Variants in PALM observed in about 807,000 individuals in gnomAD.
PALM encodes paralemmin.
A neutral mutation model predicts 30.7 loss-of-function variants in PALM; 18 were observed. That is an observed-to-expected ratio of 0.59 (90% CI 0.41 to 0.87). The LOEUF (loss-of-function observed/expected upper bound fraction) is 0.87, where lower values mean the gene tolerates loss of function less well. Among genes scored for constraint, PALM ranks in the 40% least tolerant of loss-of-function variants. The pLI, the probability that PALM is intolerant of heterozygous loss-of-function variation, is 0.00. For missense variants in PALM, 529 were observed against 555.4 expected, an observed-to-expected ratio of 0.95 and a Z score of 0.48; for synonymous variants, 286 against 242.8, an observed-to-expected ratio of 1.18 and a Z score of -1.66.
intron 1 of PALM, among the ~76,000 whole-genome samples, chr19:722,213 C>T (rs370647480): frequency 6.6e-5 from 10 of 152,156 alleles, no homozygotes; most frequent in East Asian, 5.8e-4. Context: ...CCAGCGCACC[C>T]GGCCTTAAAT....
chr19:733,903 T>C (rs1045083905), intron 5 of PALM, among the ~76,000 whole-genome samples: 2 of 152,110 alleles, frequency 1.3e-5, no homozygotes, highest in Admixed American at 1.3e-4. Flanking sequence ...CGAGAATCGC[T>C]TGAACCCAGG....
intron 1 of PALM, among the ~76,000 whole-genome samples, chr19:725,476 G>A (rs958416334): frequency 6.6e-6 from 1 of 152,102 alleles, no homozygotes. Context: ...CAGGAGAATC[G>A]CTTGAACCCA....
In PALM at chr19:746,253, C is replaced by A; in HGVS notation, c.635-32C>A. Reference sequence around the variant, plus strand: ...CTCTCTCTGTCCCTCCTGCCTGGAGCTGGGTCATTCTCTCTGTCTCTCCTT... The same window carrying A: ...CTCTCTCTGTCCCTCCTGCCTGGAGATGGGTCATTCTCTCTGTCTCTCCTT... On this transcript the variant is annotated intron_variant, in intron 8 of 8. Transcript: ENST00000338448. This position sits in a 1 kb window ranked among gnomAD's most constrained non-coding sequence, Gnocchi z 7.1. 1 of 1,592,138 alleles carries A rather than the reference C, an allele frequency of 6.3e-7. No homozygotes were observed. The highest frequency in any genetic ancestry group is 8.6e-7 in the Non-Finnish European group (1 of 1,166,044).
chr19:730,188 C>T (rs1171618059), intron 4 of PALM, among the ~76,000 whole-genome samples: 1 of 134,540 alleles, frequency 7.4e-6, no homozygotes, highest in Non-Finnish European at 1.6e-5. Context: ...ACACCTCCTG[C>T]AGGAAGCCCT....
At chr19:713,950 G>C (rs867260873) in intron 1 of PALM, among the ~76,000 whole-genome samples, 1 of 148,076 alleles carries the variant, frequency 6.8e-6, no homozygotes, top group Admixed American at 6.8e-5. Flanking sequence ...TGTCACCCAG[G>C]CTGGAGTGCA....
Position 731,252 on chromosome 19 carries a change from G to A in PALM, c.420+7G>A. On this transcript the variant is annotated splice_region_variant and intron_variant, in intron 5 of 8. Coordinates refer to ENST00000338448, the MANE Select transcript of PALM (RefSeq NM_002579.3). ...GGTGATGAATTCACAGCAGGTAAGGGGGTGACTGGGGGGAGCGGATCCCCA... is the reference window on the plus strand; with the variant it reads ...GGTGATGAATTCACAGCAGGTAAGGAGGTGACTGGGGGGAGCGGATCCCCA... 6.3e-7 allele frequency: 1 copy of A among 1,599,502 alleles called. No individual in the cohort carries two copies. Among genetic ancestry groups the A allele is most frequent in the Non-Finnish European group, 8.5e-7 (1 of 1,174,158 alleles).
chr19:726,733 A>C (rs1203443315), intron 2 of PALM, among the ~76,000 whole-genome samples: 1 of 151,922 alleles, frequency 6.6e-6, no homozygotes, highest in Non-Finnish European at 1.5e-5. Flanking sequence ...GAACTCCTGA[A>C]CTCAAGTGAT....
intron 8 of PALM, among the ~76,000 whole-genome samples, chr19:743,078 G>A (rs984961776): frequency 1.3e-5 from 2 of 152,086 alleles, no homozygotes; most frequent in African/African-American, 4.8e-5. Context: ...GGCTGTCCTG[G>A]TGGCGTGACG....
Position 727,209 on chromosome 19 carries a change from GCCCTGA to G in PALM, c.138+131_138+136del, listed in dbSNP as rs1400502712. ...CAACCTGACCCTGACCCTGCCTCCA[GCCCTGA>G]CCCTGACCCCGACCCTGACCCCGAC... On this transcript the variant is annotated intron_variant, in intron 3 of 8. Coordinates refer to ENST00000338448, the MANE Select transcript of PALM (RefSeq NM_002579.3). 2.3e-5 allele frequency: 14 copies of G among 597,936 alleles called. 1 individual carries two copies. The South Asian group carries it at 2.5e-4, about 11-fold the overall frequency. The allele number at this position is 597,936 out of a possible 1,614,324, so 37.0% of individuals were successfully genotyped here. A position where few individuals can be genotyped will look rare whatever the true frequency, so the allele number is the denominator to read the frequency against.
rs760458589 is a variant in PALM, at chr19:728,914, GAA to G, written c.269+1221_269+1222del. ...AGCTACTCATGAGACTGAGGCAGGA[GAA>G]TGGCGTGAACCCGGGAGGCGGAGCT... On this transcript the variant is annotated intron_variant, in intron 4 of 8. Transcript: ENST00000338448. Among the ~76,000 whole-genome samples, 4 of 152,284 alleles carry G rather than the reference GAA, an allele frequency of 2.6e-5. No individual in the cohort carries two copies. The East Asian group carries it at 7.7e-4, about 29-fold the overall frequency.
chr19:718,625 C>G (rs1036040125), intron 1 of PALM, among the ~76,000 whole-genome samples: 12 of 152,192 alleles, frequency 7.9e-5, no homozygotes, highest in East Asian at 1.9e-4. Context: ...TCCTCTCCCC[C>G]GGGGTGATGC....
intron 1 of PALM, among the ~76,000 whole-genome samples, chr19:724,108 T>G (rs992214604): frequency 7.2e-5 from 11 of 152,130 alleles, no homozygotes; most frequent in Admixed American, 5.2e-4. Context: ...CTTCTGGAGC[T>G]GCAGGGCGAG....
chr19:710,651 G>GCCCCCCCCCCCCCCCCCCCCCCCCCC (rs763250940), intron 1 of PALM, among the ~76,000 whole-genome samples: 3 of 114,164 alleles, frequency 2.6e-5, no homozygotes, highest in African/African-American at 3.5e-5. Context: ...AGGAGCTGCT[G>GCCCCCCCCCCCCCCCCCCCCCCCCCC]CCCCCCCCCC....
rs748348625 is a variant in PALM, at chr19:746,414, A to C, written c.764A>C (p.Glu255Ala). 9 of 1,611,824 alleles carry C rather than the reference A, an allele frequency of 5.6e-6. No individual in the cohort carries two copies. In the East Asian group the frequency reaches 6.7e-5, roughly 12 times the overall value. Residue 255 changes from glutamate to alanine, a missense_variant, in exon 9 of 9, where the codon GAG (glutamate) becomes GCG (alanine). Glu to Ala is a moderately radical substitution (Grantham distance 107). Transcript: ENST00000338448. The surrounding 1 kb of genome is among the most constrained non-coding windows in gnomAD (Gnocchi z 7.1). ...GCAGGGTCCACGGCCGGGGCGGCAGAGACCCGGGGGGCTGTGGAGGGGGCA... is the reference window on the plus strand; with the variant it reads ...GCAGGGTCCACGGCCGGGGCGGCAGCGACCCGGGGGGCTGTGGAGGGGGCA... ...SEAGSTAGAAETRGAVEGAAR... is the reference protein window; with the variant it reads ...SEAGSTAGAAATRGAVEGAAR...
At chr19:744,028 T>G (rs1322742885) in intron 8 of PALM, among the ~76,000 whole-genome samples, 1 of 152,286 alleles carries the variant, frequency 6.6e-6, no homozygotes, top group East Asian at 1.9e-4. Context: ...CCCTGAAATT[T>G]AAAAACACCC....
At position 746,216 on chromosome 19, in the gene PALM, T is replaced by G. The variant is rs2033332911; in HGVS notation, c.635-69T>G. The stretch of plus-strand genomic sequence containing the variant: ...GCCTTGCCAAGGTTTCCCTCCTGCC[T>G]GAGCCAGGTCACTCTCTCTGTCCCT... On this transcript the variant is annotated intron_variant, in intron 8 of 8. Transcript: ENST00000338448. The surrounding 1 kb of genome is among the most constrained non-coding windows in gnomAD (Gnocchi z 7.1). 7.7e-7 allele frequency: 1 copy of G among 1,302,556 alleles called. No individual in the cohort carries two copies. The highest frequency in any genetic ancestry group is 1.2e-5 in the South Asian group (1 of 80,744). The allele number at this position is 1,302,556 out of a possible 1,614,324, so 80.7% of individuals were successfully genotyped here. A position where few individuals can be genotyped will look rare whatever the true frequency, so the allele number is the denominator to read the frequency against.
At chr19:729,619 C>T (rs977235201) in intron 4 of PALM, among the ~76,000 whole-genome samples, 2 of 151,818 alleles carry the variant, frequency 1.3e-5, no homozygotes, top group African/African-American at 2.4e-5. Context: ...GTGCCCGCCA[C>T]GCCTGGCTAA....
chr19:746,183 G>A lies in PALM; in HGVS notation c.635-102G>A. On this transcript the variant is annotated intron_variant, in intron 8 of 8. Coordinates refer to ENST00000338448, the MANE Select transcript of PALM (RefSeq NM_002579.3). This position sits in a 1 kb window ranked among gnomAD's most constrained non-coding sequence, Gnocchi z 7.1. The stretch of plus-strand genomic sequence containing the variant: ...GTGATTTCCTCTTTAGCCTGGAGGA[G>A]GATACAAGCCTTGCCAAGGTTTCCC... 1 of 819,858 alleles carries A rather than the reference G, an allele frequency of 1.2e-6. No individual in the cohort carries two copies. The allele number at this position is 819,858 out of a possible 1,614,324, so 50.8% of individuals were successfully genotyped here. A position where few individuals can be genotyped will look rare whatever the true frequency, so the allele number is the denominator to read the frequency against.
At chr19:715,851 G>A (rs114223314) in intron 1 of PALM, among the ~76,000 whole-genome samples, 198 of 152,304 alleles carry the variant, frequency 1.3e-3, no homozygotes, top group African/African-American at 4.5e-3. Context: ...CCAGAACTGC[G>A]TGTGGTCAGT....
Sources: gnomAD v4.1 joint callset for allele counts (sites outside exome capture counted in the v4.1 genomes callset) on GRCh38, gnomAD v4.1.1 for gene constraint, Gnocchi (gnomAD v3.1) non-coding constraint, MANE v1.5 for transcripts, NCBI Gene and HGNC (gene_info 2026-07-23, HGNC 2026-07-21) for gene names.